SMIM36: variants seen among roughly 807,000 people sequenced by gnomAD.
SMIM36 encodes the protein small integral membrane protein 36.
At chr17:55,523,072 T>C in the SMIM36 span, among the ~76,000 whole-genome samples, 5,067 of 152,240 alleles carry the variant, frequency 0.033, 246 homozygotes, top group African/African-American at 0.11. Flanking sequence ...GAATTGTGAT[T>C]TCCAGAATTC....
chr17:55,500,878 TTA>T (rs1331528854), intron 1 of SMIM36, among the ~76,000 whole-genome samples: 1 of 39,168 alleles, frequency 2.6e-5, no homozygotes, highest in Non-Finnish European at 3.4e-5. Context: ...ATATTATATT[TTA>T]TAATATATAT....
the SMIM36 span, among the ~76,000 whole-genome samples, chr17:55,531,542 G>A: frequency 1.3e-5 from 2 of 152,176 alleles, no homozygotes; most frequent in African/African-American, 2.4e-5. Context: ...AATATTTGTG[G>A]AATCAATGAA....
chr17:55,461,439 A>G (rs963440689), intron 4 of SMIM36, among the ~76,000 whole-genome samples: 2 of 152,178 alleles, frequency 1.3e-5, no homozygotes, highest in South Asian at 2.1e-4. Flanking sequence ...AGGTGAAACT[A>G]TAGGGACAGA....
chr17:55,511,279 G>A (rs1910178249), exon 1 of SMIM36: 2 of 398,660 alleles, frequency 5.0e-6, no homozygotes, highest in Non-Finnish European at 4.4e-6. Flanking sequence ...GACGTAGCTC[G>A]CAACTAGGAT....
intron 1 of SMIM36, among the ~76,000 whole-genome samples, chr17:55,489,402 G>T (rs1909663951): frequency 9.3e-6 from 1 of 107,078 alleles, no homozygotes; most frequent in Non-Finnish European, 2.1e-5. Flanking sequence ...AAAACAAAAA[G>T]AGAAATGTGT....
At chr17:55,528,555 CTT>C in the SMIM36 span, among the ~76,000 whole-genome samples, 22 of 139,382 alleles carry the variant, frequency 1.6e-4, no homozygotes, top group Non-Finnish European at 1.4e-4. Context: ...CTTTTCTTTT[CTT>C]TTTTTTTTTT....
chr17:55,472,959 A>G (rs1909366813), intron 3 of SMIM36, among the ~76,000 whole-genome samples: 1 of 151,996 alleles, frequency 6.6e-6, no homozygotes, highest in Non-Finnish European at 1.5e-5. Context: ...ACCCGCTAAT[A>G]TTCCAGCCCC....
intron 3 of SMIM36, among the ~76,000 whole-genome samples, chr17:55,475,019 A>G (rs1482085963): frequency 6.6e-6 from 1 of 152,052 alleles, no homozygotes; most frequent in Non-Finnish European, 1.5e-5. Context: ...TCAGTTCCGT[A>G]TATAGATTCT....
At chr17:55,481,403 T>A (rs528584944) in intron 1 of SMIM36, among the ~76,000 whole-genome samples, 68 of 152,004 alleles carry the variant, frequency 4.5e-4, no homozygotes, top group African/African-American at 1.4e-3. Context: ...AAATAAAAAA[T>A]TATATATACC....
At chr17:55,504,611 C>T (rs1237004322) in intron 1 of SMIM36, among the ~76,000 whole-genome samples, 1 of 83,024 alleles carries the variant, frequency 1.2e-5, no homozygotes, top group African/African-American at 8.5e-5. Context: ...TAAATGCCCA[C>T]AAGAGAAAGC....
intron 4 of SMIM36, among the ~76,000 whole-genome samples, chr17:55,463,950 T>C (rs1909189875): frequency 6.6e-6 from 1 of 152,040 alleles, no homozygotes; most frequent in African/African-American, 2.4e-5. Context: ...ACCCAGACTC[T>C]ACTAAAAATA....
intron 2 of SMIM36, among the ~76,000 whole-genome samples, chr17:55,479,106 A>G (rs1204414661): frequency 6.6e-6 from 1 of 152,202 alleles, no homozygotes; most frequent in Non-Finnish European, 1.5e-5. Context: ...GATCCTGACA[A>G]TGACTTCCAA....
At chr17:55,518,130 G>A in the SMIM36 span, among the ~76,000 whole-genome samples, 2 of 152,200 alleles carry the variant, frequency 1.3e-5, no homozygotes, top group Admixed American at 6.5e-5. Flanking sequence ...TAAGATTGAA[G>A]GGCCACCATC....
chr17:55,492,158 CAAAAA>C (rs112417272), intron 1 of SMIM36, among the ~76,000 whole-genome samples: 6 of 128,240 alleles, frequency 4.7e-5, no homozygotes, highest in African/African-American at 1.6e-4. Flanking sequence ...GAAACCATCT[CAAAAA>C]AAAAAAGAAA....
chr17:55,484,774 C>T lies in SMIM36; in HGVS notation c.*175-5194G>A, dbSNP rs146922075. 1.2e-4 allele frequency among the ~76,000 whole-genome samples: 18 copies of T among 152,332 alleles called. No individual in the cohort carries two copies. The East Asian group carries it at 3.3e-3, about 28-fold the overall frequency. The stretch of plus-strand genomic sequence containing the variant: ...CTGGGACAAAAGGTATAAACTGGGG[C>T]TGTCTCATGCAAAACTTGAGGCGTG... On this transcript the variant is annotated intron_variant, in intron 1 of 4. Coordinates refer to ENST00000636752, the Ensembl canonical transcript of SMIM36.
chr17:55,525,613 T>C, the SMIM36 span, among the ~76,000 whole-genome samples: 1 of 152,212 alleles, frequency 6.6e-6, no homozygotes, highest in Non-Finnish European at 1.5e-5. Context: ...AGGGACAAAA[T>C]ATCTACTATA....
intron 4 of SMIM36, among the ~76,000 whole-genome samples, chr17:55,452,283 GT>G (rs1908935062): frequency 6.6e-6 from 1 of 152,114 alleles, no homozygotes; most frequent in Non-Finnish European, 1.5e-5. Flanking sequence ...GTAGAAACTG[GT>G]AACAGCTGAA....
chr17:55,515,086 G>GGTTTT (rs1910247821), upstream of SMIM36, among the ~76,000 whole-genome samples: 1 of 54,086 alleles, frequency 1.8e-5, no homozygotes, highest in Non-Finnish European at 3.1e-5. Flanking sequence ...CTAGTCTAGT[G>GGTTTT]TTTTTTTTTT....
chr17:55,508,005 C>T (rs1328505404), intron 1 of SMIM36, among the ~76,000 whole-genome samples: 9 of 152,068 alleles, frequency 5.9e-5, no homozygotes, highest in Non-Finnish European at 1.0e-4. Context: ...GTGCTTTTAC[C>T]AACACAAGCC....
Sources: allele counts gnomAD v4.1 joint callset (sites outside exome capture counted in the v4.1 genomes callset), GRCh38; gene constraint gnomAD v4.1.1; transcripts MANE v1.5; gene names NCBI Gene and HGNC (gene_info 2026-07-23, HGNC 2026-07-21).